Variants in CHD2 observed in about 807,000 individuals in gnomAD.
CHD2 encodes the protein ATP-dependent chromatin remodeler CHD2.
In CHD2, 28 loss-of-function variants were observed where a neutral mutation model predicts 243.9. That is an observed-to-expected ratio of 0.11 (90% CI 0.09 to 0.16). The LOEUF (loss-of-function observed/expected upper bound fraction) is 0.16. Ranked by LOEUF, CHD2 falls within the 10% of genes least tolerant of loss-of-function variation. The pLI, the probability that CHD2 is intolerant of heterozygous loss-of-function variation, is 1.00. For synonymous variants in CHD2, 775 were observed against 779.0 expected (o/e 0.99, Z 0.09); for missense variants, 1,386 against 2,209.8 (o/e 0.63, Z 7.47).
intron 22 of CHD2, among the ~76,000 whole-genome samples, chr15:92,980,554 A>G (rs1024588760): frequency 1.3e-5 from 2 of 152,138 alleles, no homozygotes; most frequent in African/African-American, 4.8e-5. Flanking sequence ...ATTCTATAAC[A>G]TTGCTAGTCA....
chr15:92,991,619 C>G, intron 27 of CHD2, 102 bp downstream of exon 27: 1 of 747,162 alleles, frequency 1.3e-6, no homozygotes, highest in South Asian at 2.1e-5. Context: ...ATGCTGGGAA[C>G]ATTTTTTTTT....
rs764332853 is a variant in CHD2, at chr15:92,956,460, C to A, written c.1811C>A (p.Thr604Asn). ...TTYEILLKDKTVLGSINWAFL... is the reference protein window; with the variant it reads ...TTYEILLKDKNVLGSINWAFL... ...CGTTCTGTTTTGTTTTTACTTTAGA[C>A]TGTGCTGGGCAGTATTAACTGGGCC... The change falls in exon 16 of 39, where the codon ACT (threonine) becomes AAT (asparagine). Residue 604 changes from threonine to asparagine, a missense_variant and splice_region_variant. This residue lies in a region of CHD2 where 63 missense variants were observed against 108.8 expected (regional missense o/e 0.58). Coordinates refer to ENST00000394196, the MANE Select transcript of CHD2 (RefSeq NM_001271.4). 2 of 1,608,278 alleles carry A rather than the reference C, an allele frequency of 1.2e-6. No individual in the cohort carries two copies. Among genetic ancestry groups the A allele is most frequent in the African/African-American group, 2.7e-5 (2 of 74,422 alleles).
chr15:92,941,805 C>A lies in CHD2; in HGVS notation c.693-17C>A, dbSNP rs2053387441. The A allele has an allele frequency of 6.2e-7, 1 of 1,610,978 alleles. No homozygotes were observed. The highest frequency in any genetic ancestry group is 8.5e-7 in the Non-Finnish European group (1 of 1,178,082). The stretch of plus-strand genomic sequence containing the variant: ...AAGAGATCATTTCTCATTTATTCAG[C>A]ATTATTCCTCTTGCAGTTACAAAGA... On this transcript the variant is annotated splice_polypyrimidine_tract_variant and intron_variant, in intron 7 of 38. Coordinates refer to ENST00000394196, the MANE Select transcript of CHD2 (RefSeq NM_001271.4).
intron 2 of CHD2, among the ~76,000 whole-genome samples, chr15:92,913,786 C>T (rs78281820): frequency 0.015 from 2,250 of 152,176 alleles, 48 homozygotes; most frequent in African/African-American, 0.051. Flanking sequence ...CAAGAGCTTG[C>T]GGCTGCAGTG....
At chr15:92,912,052 C>T (rs547162711) in intron 2 of CHD2, among the ~76,000 whole-genome samples, 7 of 152,204 alleles carry the variant, frequency 4.6e-5, no homozygotes, top group African/African-American at 1.4e-4. Flanking sequence ...CTGGAGGCCT[C>T]GGAACTTCAC....
rs771195215 is a variant in CHD2, at chr15:93,009,311, A to G, written c.4580A>G (p.Lys1527Arg). The G allele has an allele frequency of 3.7e-6, 6 of 1,613,988 alleles. No homozygotes were observed. In the African/African-American group the frequency reaches 4.0e-5, roughly 11 times the overall value. ...LKAYSDQEHIKLWRRNLWIFV... is the reference protein window; with the variant it reads ...LKAYSDQEHIRLWRRNLWIFV... ...GCCTACTCAGATCAGGAGCACATCAAACTCTGGAGGAGGTAACCACTTTGG... is the reference window on the plus strand; with the variant it reads ...GCCTACTCAGATCAGGAGCACATCAGACTCTGGAGGAGGTAACCACTTTGG... Residue 1527 changes from lysine to arginine, a missense_variant, in exon 35 of 39, where the codon AAA (lysine) becomes AGA (arginine). By Grantham distance (26) the Lys-to-Arg change is conservative. Transcript: ENST00000394196.
At chr15:92,985,736 A>G in intron 26 of CHD2, 63 bp downstream of exon 26, 1 of 1,520,124 alleles carries the variant, frequency 6.6e-7, no homozygotes. Context: ...TCTTGGGTTG[A>G]CTGGATCCTG....
At chr15:92,918,238 A>G (rs1458699637) in intron 2 of CHD2, among the ~76,000 whole-genome samples, 4 of 152,222 alleles carry the variant, frequency 2.6e-5, no homozygotes, top group Non-Finnish European at 5.9e-5. Flanking sequence ...TTCAGAAAGT[A>G]TTTTGAAGAG....
At position 92,991,352 on chromosome 15, in the gene CHD2, G is replaced by A. The variant is rs1481039223; in HGVS notation, c.3414-124G>A. Reference sequence around the variant, plus strand: ...TTTATTCATTTTTTTGGTAGTGCAAGGATTGAGTCCACTCTATTTTTGACA... The same window carrying A: ...TTTATTCATTTTTTTGGTAGTGCAAAGATTGAGTCCACTCTATTTTTGACA... On this transcript the variant is annotated intron_variant, in intron 26 of 38. Transcript: ENST00000394196. 5.6e-5 allele frequency: 32 copies of A among 569,588 alleles called. 2 individuals carry two copies. The South Asian group carries it at 8.8e-4, about 16-fold the overall frequency. 35.3% of individuals were successfully genotyped at this position (569,588 alleles called of 1,614,324 possible). A position where few individuals can be genotyped will look rare whatever the true frequency, so the allele number is the denominator to read the frequency against.
At chr15:92,943,214 T>G in intron 9 of CHD2, 146 bp downstream of exon 9, 2 of 653,808 alleles carry the variant, frequency 3.1e-6, no homozygotes. Flanking sequence ...AATTCTATTT[T>G]ATAAGATTGT....
chr15:92,902,310 CTG>C (rs1347408592), intron 2 of CHD2: 5 of 396,298 alleles, frequency 1.3e-5, no homozygotes, highest in Admixed American at 8.8e-5. Flanking sequence ...TGTATGACCT[CTG>C]TATATTAATT....
intron 2 of CHD2, 168 bp from the exon 3 acceptor site, chr15:92,924,153 A>G: frequency 1.8e-6 from 1 of 555,994 alleles, no homozygotes; most frequent in South Asian, 2.0e-5. Context: ...TGAGAATGGT[A>G]GCAATAACGT....
chr15:92,938,080 G>GAT lies in CHD2; in HGVS notation c.551+456_551+457insTA, dbSNP rs773264608. 3.0e-4 allele frequency among the ~76,000 whole-genome samples: 45 copies of GAT among 152,320 alleles called. No individual in the cohort carries two copies. The East Asian group carries it at 6.9e-3, about 24-fold the overall frequency. ...TGGCAGCCTAAGATAGTGATGACAGGAAAAGGGAGTCAGAAGACAGGCCCC... is the reference window on the plus strand; with the variant it reads ...TGGCAGCCTAAGATAGTGATGACAGGATAAAAGGGAGTCAGAAGACAGGCCCC... On this transcript the variant is annotated intron_variant, in intron 6 of 38. Coordinates refer to ENST00000394196, the MANE Select transcript of CHD2 (RefSeq NM_001271.4).
intron 6 of CHD2, among the ~76,000 whole-genome samples, chr15:92,939,342 T>C (rs541393268): frequency 6.6e-6 from 1 of 152,358 alleles, no homozygotes; most frequent in South Asian, 2.1e-4. Flanking sequence ...ATTCACGTTC[T>C]TTCCCATAAA....
chr15:92,900,870 A>G, intron 1 of CHD2, 46 bp downstream of exon 1: 1 of 406,048 alleles, frequency 2.5e-6, no homozygotes, highest in Non-Finnish European at 4.3e-6. Context: ...TTATTTGTTT[A>G]AGTTTGCCTT....
At chr15:92,916,021 C>T (rs1367318075) in intron 2 of CHD2, among the ~76,000 whole-genome samples, 1 of 149,438 alleles carries the variant, frequency 6.7e-6, no homozygotes, top group Admixed American at 6.7e-5. Context: ...ACTCTCTTCT[C>T]ACATGGAACT....
chr15:93,011,104 A>C (rs1475674839), intron 35 of CHD2, among the ~76,000 whole-genome samples: 2 of 150,644 alleles, frequency 1.3e-5, no homozygotes, highest in African/African-American at 2.5e-5. Flanking sequence ...TAAATTTAAC[A>C]CTGATTAGAA....
At chr15:92,963,959 T>A (rs1338685120) in intron 16 of CHD2, among the ~76,000 whole-genome samples, 1 of 152,254 alleles carries the variant, frequency 6.6e-6, no homozygotes. Context: ...GATTTGCTTT[T>A]GTGTACCTAC....
intron 3 of CHD2, among the ~76,000 whole-genome samples, chr15:92,926,264 C>G (rs2053059676): frequency 6.6e-6 from 1 of 152,228 alleles, no homozygotes. Context: ...TGGCCCTACA[C>G]TTTTAAATAC....
Sources: allele counts gnomAD v4.1 joint callset (sites outside exome capture counted in the v4.1 genomes callset), GRCh38; gene constraint gnomAD v4.1.1; regional missense constraint gnomAD v4.1.1; transcripts MANE v1.5; gene names NCBI Gene and HGNC (gene_info 2026-07-23, HGNC 2026-07-21).